The following DLG4 variants were observed in gnomAD, a reference collection of about 807,000 sequenced individuals.
DLG4 encodes disks large homolog 4.
In DLG4, 7 loss-of-function variants were observed where a neutral mutation model predicts 93.8. That is an observed-to-expected ratio of 0.07 (90% confidence interval 0.04 to 0.14). DLG4 has a LOEUF of 0.14. DLG4 is among the 10% of genes least tolerant of loss of function. The pLI, the probability that DLG4 is intolerant of heterozygous loss-of-function variation, is 1.00. For missense variants in DLG4, 545 were observed against 992.9 expected (o/e 0.55, Z 6.06); for synonymous variants, 341 against 387.6 (o/e 0.88, Z 1.41).
intron 1 of DLG4, chr17:7,211,649 G>C (rs1292183992): frequency 1.0e-6 from 1 of 982,104 alleles, no homozygotes; most frequent in Non-Finnish European, 1.2e-6. Flanking sequence ...CCCATACCGC[G>C]GCACGTACCA....
chr17:7,217,739 A>AT (rs1567555665), upstream of DLG4: 8 of 1,535,022 alleles, frequency 5.2e-6, no homozygotes, highest in Non-Finnish European at 6.1e-6. Context: ...GGGAAAGGAG[A>AT]TAGAAGCAGA....
chr17:7,210,830 A>G (rs1163336079), intron 1 of DLG4, among the ~76,000 whole-genome samples: 1 of 152,132 alleles, frequency 6.6e-6, no homozygotes, highest in African/African-American at 2.4e-5. Context: ...CGTGCACCCA[A>G]AGAAAATGGA....
intron 8 of DLG4, 52 bp downstream of exon 8, chr17:7,202,851 T>C (rs1362525352): frequency 1.2e-6 from 2 of 1,604,938 alleles, no homozygotes; most frequent in African/African-American, 1.3e-5. Flanking sequence ...CTGCATGTCA[T>C]GGGTTAAACG....
Position 7,203,648 on chromosome 17 carries a change from C to A in DLG4, c.335+44G>T, listed in dbSNP as rs775657511. On this transcript the variant is annotated intron_variant, in intron 5 of 19. Transcript: ENST00000399506. The surrounding 1 kb of genome is among the most constrained non-coding windows in gnomAD (Gnocchi z 7.2). ...GAGCTTCCTGCTGCCCTGGCCCTCC[C>A]TCTCCAGGGACCAAGCAACCTAACC... The A allele has an allele frequency of 6.2e-7, 1 of 1,611,234 alleles. No individual in the cohort carries two copies. Among genetic ancestry groups the A allele is most frequent in the East Asian group, 2.2e-5 (1 of 44,806 alleles).
At chr17:7,217,936 G>C, upstream of DLG4, 2 of 965,162 alleles carry the variant, frequency 2.1e-6, no homozygotes, top group South Asian at 3.1e-5. Flanking sequence ...TGTGAGGGAG[G>C]AGCTGAAGGA....
intron 1 of DLG4, among the ~76,000 whole-genome samples, chr17:7,210,632 C>A (rs1437014653): frequency 6.6e-6 from 1 of 152,172 alleles, no homozygotes; most frequent in Admixed American, 6.5e-5. Context: ...AGAATTGAGA[C>A]CTGGGGGAAG....
chr17:7,217,594 C>T lies in DLG4; in HGVS notation c.-447G>A. The T allele has an allele frequency of 1.5e-6, 2 of 1,364,074 alleles. No individual in the cohort carries two copies. The highest frequency in any genetic ancestry group is 1.9e-6 in the Non-Finnish European group (2 of 1,054,784). The allele number at this position is 1,364,074 out of a possible 1,614,324, so 84.5% of individuals were successfully genotyped here. A position where few individuals can be genotyped will look rare whatever the true frequency, so the allele number is the denominator to read the frequency against. On this transcript the variant is annotated 5_prime_UTR_variant, in exon 1 of 20. Coordinates refer to ENST00000399506, the MANE Select transcript of DLG4 (RefSeq NM_001321075.3). ...TTGGAAACGGCAGCGGCCGAGGGAG[C>T]CGTGGAGCCGAAGAGGGAAGGGGAG...
At chr17:7,212,757 T>G (rs908484100) in intron 1 of DLG4, among the ~76,000 whole-genome samples, 4 of 152,102 alleles carry the variant, frequency 2.6e-5, no homozygotes, top group Admixed American at 1.3e-4. Flanking sequence ...AATTTTGGCC[T>G]GGCACGGTGG....
rs1417299625 is a variant in DLG4, at chr17:7,187,246, A to G, written c.*3462T>C. Reference sequence around the variant, plus strand: ...ACGTGTACTGATTATAATTTACAAAATAATGCATGCAGGCCAGGCGCGGTG... The same window carrying G: ...ACGTGTACTGATTATAATTTACAAAGTAATGCATGCAGGCCAGGCGCGGTG... On this transcript the variant is annotated 3_prime_UTR_variant, in exon 20 of 20. Transcript: ENST00000399506. Among the ~76,000 whole-genome samples the G allele has an allele frequency of 1.5e-5, 2 of 133,680 alleles. No individual in the cohort carries two copies. The highest frequency in any genetic ancestry group is 3.4e-5 in the Non-Finnish European group (2 of 58,090). The allele number at this position is 133,680 out of a possible 152,430, so 87.7% of individuals were successfully genotyped here.
chr17:7,196,408 A>T lies in DLG4; in HGVS notation c.1186+65T>A. On this transcript the variant is annotated intron_variant, in intron 10 of 19. Transcript: ENST00000399506. The surrounding 1 kb of genome is among the most constrained non-coding windows in gnomAD (Gnocchi z 8.3). The stretch of plus-strand genomic sequence containing the variant: ...ACCCCTGTCCTCCCCTACTGAAGCC[A>T]TCAGCTGAGGAAGAGTTCTAAGGGC... The T allele has an allele frequency of 1.9e-6, 3 of 1,600,984 alleles. No homozygotes were observed. Among genetic ancestry groups the T allele is most frequent in the Non-Finnish European group, 2.6e-6 (3 of 1,168,134 alleles).
upstream of DLG4, chr17:7,219,776 G>C: frequency 1.3e-6 from 2 of 1,491,406 alleles, no homozygotes; most frequent in Non-Finnish European, 1.8e-6. Context: ...TGGGGGAGAC[G>C]AGGGACGCTT....
intron 1 of DLG4, among the ~76,000 whole-genome samples, chr17:7,215,623 C>T (rs2142933935): frequency 6.6e-6 from 1 of 152,206 alleles, no homozygotes; most frequent in East Asian, 1.9e-4. Flanking sequence ...TGGGAGAAAG[C>T]CCGAAACCCA....
In DLG4 at chr17:7,194,626, A is replaced by G; in HGVS notation, c.1302-131T>C. The G allele has an allele frequency of 1.1e-6, 1 of 933,370 alleles. No individual in the cohort carries two copies. Among genetic ancestry groups the G allele is most frequent in the Admixed American group, 2.7e-5 (1 of 37,140 alleles). 57.8% of individuals were successfully genotyped at this position (933,370 alleles called of 1,614,324 possible). The stretch of plus-strand genomic sequence containing the variant: ...GGAGCTATGGATGCCGAGGAACCCA[A>G]AACTGTGTGGGGACCAAACGCTGAC... On this transcript the variant is annotated intron_variant, in intron 11 of 19. Transcript: ENST00000399506. This position sits in a 1 kb window ranked among gnomAD's most constrained non-coding sequence, Gnocchi z 4.4.
intron 1 of DLG4, chr17:7,213,709 C>T (rs2070796575): frequency 2.2e-6 from 1 of 462,496 alleles, no homozygotes; most frequent in South Asian, 1.6e-5. Context: ...ACCCTTCCAG[C>T]TCTTAAAACC....
At chr17:7,214,024 C>A (rs1421104304) in intron 1 of DLG4, 3 of 355,090 alleles carry the variant, frequency 8.4e-6, no homozygotes, top group Non-Finnish European at 1.7e-5. Flanking sequence ...CCCCATCCCC[C>A]ATTTCCCTTT....
Position 7,188,018 on chromosome 17 carries a change from C to T in DLG4, c.*2690G>A, listed in dbSNP as rs1048777999. ...CCTGGAGTTGGAGGTTGCAGTGAGC[C>T]GAGATCGCGCCATTGCACTCCAGCT... On this transcript the variant is annotated 3_prime_UTR_variant, in exon 20 of 20. Transcript: ENST00000399506. 2.7e-5 allele frequency among the ~76,000 whole-genome samples: 4 copies of T among 149,838 alleles called. No individual in the cohort carries two copies. The highest frequency in any genetic ancestry group is 2.0e-4 in the East Asian group (1 of 5,104).
intron 2 of DLG4, among the ~76,000 whole-genome samples, chr17:7,207,756 C>T (rs2070537237): frequency 6.6e-6 from 1 of 151,804 alleles, no homozygotes; most frequent in Non-Finnish European, 1.5e-5. Flanking sequence ...AGCACACACA[C>T]AGGCACGCAT....
chr17:7,203,951 A>T lies in DLG4; in HGVS notation c.210+57T>A. 6.3e-7 allele frequency: 1 copy of T among 1,596,812 alleles called. No individual in the cohort carries two copies. The highest frequency in any genetic ancestry group is 8.5e-7 in the Non-Finnish European group (1 of 1,171,510). On this transcript the variant is annotated intron_variant, in intron 4 of 19. Transcript: ENST00000399506. The surrounding 1 kb of genome is among the most constrained non-coding windows in gnomAD (Gnocchi z 7.2). The stretch of plus-strand genomic sequence containing the variant: ...GGGCTAGCCACCCAGACCACATGGC[A>T]GAAAGAAAGGTACAGACGGGAGGCC...
chr17:7,216,944 TGGCCA>T (rs1449710035), intron 1 of DLG4, among the ~76,000 whole-genome samples, 169 bp downstream of exon 1: 2 of 152,024 alleles, frequency 1.3e-5, no homozygotes, highest in South Asian at 2.1e-4. Context: ...GGGGCACCTG[TGGCCA>T]AATCCTGCAT....
Sources: gnomAD v4.1 joint callset for allele counts (sites outside exome capture counted in the v4.1 genomes callset) on GRCh38, gnomAD v4.1.1 for gene constraint, Gnocchi (gnomAD v3.1) non-coding constraint, MANE v1.5 for transcripts, NCBI Gene and HGNC (gene_info 2026-07-23, HGNC 2026-07-21) for gene names.